The following HMG20A variants were observed in gnomAD, a reference collection of about 807,000 sequenced individuals.
HMG20A encodes the protein high mobility group 20A.
A neutral mutation model predicts 43.9 loss-of-function variants in HMG20A; 17 were observed. That is an observed-to-expected ratio of 0.39 (90% CI 0.27 to 0.58). The LOEUF (loss-of-function observed/expected upper bound fraction) is 0.58. HMG20A is among the 20% of genes least tolerant of loss of function. The pLI is 0.59. For missense variants in HMG20A, 341 were observed against 438.2 expected, an observed-to-expected ratio of 0.78 and a Z score of 1.98; for synonymous variants, 132 against 147.5, an observed-to-expected ratio of 0.89 and a Z score of 0.76.
At chr15:77,447,472 A>C (rs746771117) in intron 1 of HMG20A, among the ~76,000 whole-genome samples, 1 of 152,134 alleles carries the variant, frequency 6.6e-6, no homozygotes, top group African/African-American at 2.4e-5. Flanking sequence ...GGTTCCATTG[A>C]GGGGGCAAAA....
intron 1 of HMG20A, among the ~76,000 whole-genome samples, chr15:77,443,063 C>T (rs866144724): frequency 1.5e-5 from 2 of 134,506 alleles, no homozygotes; most frequent in Non-Finnish European, 3.1e-5. Context: ...GACAGAATCT[C>T]GCTCTGTAAC....
intron 4 of HMG20A, among the ~76,000 whole-genome samples, chr15:77,469,365 C>T (rs1368314170): frequency 1.3e-5 from 2 of 151,786 alleles, no homozygotes; most frequent in Non-Finnish European, 2.9e-5. Context: ...CTCCAGCACT[C>T]CCTTTACATT....
intron 7 of HMG20A, chr15:77,478,070 A>G (rs902162550): frequency 3.5e-5 from 20 of 573,596 alleles, no homozygotes; most frequent in Non-Finnish European, 6.2e-5. Flanking sequence ...TGTTTGTTGC[A>G]ATCTTATGTA....
intron 1 of HMG20A, among the ~76,000 whole-genome samples, chr15:77,447,108 G>T (rs1459028439): frequency 6.6e-6 from 1 of 152,116 alleles, no homozygotes; most frequent in Non-Finnish European, 1.5e-5. Flanking sequence ...GGTTTTATTG[G>T]ATTACTTTAA....
At chr15:77,422,570 C>A (rs1383966395) in intron 1 of HMG20A, among the ~76,000 whole-genome samples, 1 of 152,092 alleles carries the variant, frequency 6.6e-6, no homozygotes, top group Non-Finnish European at 1.5e-5. Context: ...GAGCCAAGAT[C>A]GCTCCACTGC....
intron 6 of HMG20A, among the ~76,000 whole-genome samples, chr15:77,474,619 T>C (rs2072838847): frequency 6.6e-6 from 1 of 152,238 alleles, no homozygotes; most frequent in African/African-American, 2.4e-5. Flanking sequence ...TTGGTTTGTG[T>C]ATAGTAAAGA....
intron 2 of HMG20A, among the ~76,000 whole-genome samples, chr15:77,461,173 TGGG>T (rs2072701611): frequency 6.6e-6 from 1 of 151,852 alleles, no homozygotes; most frequent in Admixed American, 6.6e-5. Flanking sequence ...TCAGGTAAGA[TGGG>T]GGCTGAGAAA....
chr15:77,462,418 G>A (rs1205192581), intron 2 of HMG20A, among the ~76,000 whole-genome samples: 2 of 152,092 alleles, frequency 1.3e-5, no homozygotes, highest in Non-Finnish European at 2.9e-5. Flanking sequence ...TCTTCTCACT[G>A]TCTTTCTGGA....
At chr15:77,471,842 A>G in intron 6 of HMG20A, 28 bp downstream of exon 6, 2 of 1,293,320 alleles carry the variant, frequency 1.5e-6, no homozygotes, top group Non-Finnish European at 2.2e-6. Context: ...TACATATCAT[A>G]TATATGTATT....
At chr15:77,426,489 A>G (rs888251096) in intron 1 of HMG20A, among the ~76,000 whole-genome samples, 1 of 152,202 alleles carries the variant, frequency 6.6e-6, no homozygotes, top group Non-Finnish European at 1.5e-5. Flanking sequence ...TTATTCGTTA[A>G]GTGGAAGTGG....
chr15:77,427,151 T>G (rs1452607772), intron 1 of HMG20A, among the ~76,000 whole-genome samples: 1 of 152,004 alleles, frequency 6.6e-6, no homozygotes, highest in Non-Finnish European at 1.5e-5. Context: ...GATGGGAGAA[T>G]AGAGACTAGA....
chr15:77,463,204 G>A (rs970513023), intron 2 of HMG20A, among the ~76,000 whole-genome samples: 6 of 152,024 alleles, frequency 3.9e-5, no homozygotes, highest in South Asian at 4.2e-4. Flanking sequence ...TTTCTATCTG[G>A]AATCGTGTTG....
chr15:77,422,916 T>G (rs1240662144), intron 1 of HMG20A, among the ~76,000 whole-genome samples: 3 of 152,126 alleles, frequency 2.0e-5, no homozygotes, highest in African/African-American at 7.2e-5. Context: ...ATCTTCTATA[T>G]TAATGTAATA....
At chr15:77,475,492 G>A (rs1253525833) in intron 6 of HMG20A, among the ~76,000 whole-genome samples, 1 of 152,152 alleles carries the variant, frequency 6.6e-6, no homozygotes, top group African/African-American at 2.4e-5. Context: ...TGGAGGAGAG[G>A]GATCTTTGTA....
intron 6 of HMG20A, among the ~76,000 whole-genome samples, chr15:77,476,543 T>C (rs1219626789): frequency 6.8e-6 from 1 of 146,926 alleles, no homozygotes. Context: ...GAAAGATACA[T>C]TCTGTCTAGC....
chr15:77,445,646 A>G (rs1025467273), intron 1 of HMG20A, among the ~76,000 whole-genome samples: 7 of 152,122 alleles, frequency 4.6e-5, no homozygotes, highest in Non-Finnish European at 7.4e-5. Flanking sequence ...TCTCTTTGGC[A>G]TATCCATACT....
At chr15:77,499,398 T>C in the HMG20A span, among the ~76,000 whole-genome samples, 1 of 152,102 alleles carries the variant, frequency 6.6e-6, no homozygotes, top group Non-Finnish European at 1.5e-5. Context: ...AAACCCACAT[T>C]TTCTCTAATA....
chr15:77,498,358 A>G, the HMG20A span, among the ~76,000 whole-genome samples: 4 of 152,216 alleles, frequency 2.6e-5, no homozygotes, highest in African/African-American at 4.8e-5. Context: ...AGGCACGTCT[A>G]GAGCTCACGT....
chr15:77,464,286 A>G lies in HMG20A; in HGVS notation c.136A>G (p.Thr46Ala), dbSNP rs1251125705. The change falls in exon 3 of 10, where the codon ACC becomes GCC. Residue 46 changes from threonine (T) to alanine (A), a missense_variant. Around this residue, in one of 3 missense-constraint regions of HMG20A, gnomAD observed 220 missense variants for 263.6 expected, o/e 0.83. Transcript: ENST00000336216. ...ATACAGTAGTGGCGCCACATCATCCACCAACAATCCAGAATTTGTGGAGGA... is the reference window on the plus strand; with the variant it reads ...ATACAGTAGTGGCGCCACATCATCCGCCAACAATCCAGAATTTGTGGAGGA... ...VPYSSGATSSTNNPEFVEDLS... is the reference protein window; with the variant it reads ...VPYSSGATSSANNPEFVEDLS... 1 of 1,613,788 alleles carries G rather than the reference A, an allele frequency of 6.2e-7. No homozygotes were observed. The highest frequency in any genetic ancestry group is 1.3e-5 in the African/African-American group (1 of 74,900).
Sources: gnomAD v4.1 joint callset for allele counts (sites outside exome capture counted in the v4.1 genomes callset) on GRCh38, gnomAD v4.1.1 for gene constraint, gnomAD v4.1.1 regional missense constraint, MANE v1.5 for transcripts, NCBI Gene and HGNC (gene_info 2026-07-23, HGNC 2026-07-21) for gene names.